Variants in PRR16 observed in about 807,000 individuals in gnomAD.
The protein encoded by PRR16 is proline rich 16, also known as protein Largen.
A neutral mutation model predicts 18.2 loss-of-function variants in PRR16; 6 were observed. That is an observed-to-expected ratio of 0.33 (90% CI 0.18 to 0.65). The LOEUF is 0.65. Ranked by LOEUF, PRR16 falls within the 30% of genes least tolerant of loss-of-function variation. The pLI is 0.74. For synonymous variants in PRR16, 151 were observed against 147.8 expected, an observed-to-expected ratio of 1.02 and a Z score of -0.16; for missense variants, 412 against 376.6, an observed-to-expected ratio of 1.09 and a Z score of -0.78.
chr5:120,588,229 A>G (rs1029269081), intron 1 of PRR16, among the ~76,000 whole-genome samples: 3 of 152,224 alleles, frequency 2.0e-5, no homozygotes, highest in Admixed American at 2.0e-4. Flanking sequence ...CATTGATGAC[A>G]TAACAGATTT....
chr5:120,709,992 C>T, the PRR16 span, among the ~76,000 whole-genome samples: 79 of 152,210 alleles, frequency 5.2e-4, no homozygotes, highest in Non-Finnish European at 1.1e-3. Flanking sequence ...TATATAACCA[C>T]CAGTGAGATT....
intron 1 of PRR16, among the ~76,000 whole-genome samples, chr5:120,593,981 A>G (rs1753722420): frequency 6.6e-6 from 1 of 152,052 alleles, no homozygotes; most frequent in South Asian, 2.1e-4. Flanking sequence ...CTCAAAAATG[A>G]GGCACAGAAG....
the PRR16 span, among the ~76,000 whole-genome samples, chr5:120,736,963 ATTAG>A: frequency 1.6e-3 from 242 of 152,248 alleles, 2 homozygotes; most frequent in African/African-American, 5.5e-3. Context: ...AAAGTCTGTT[ATTAG>A]TTCTAACAAT....
intron 1 of PRR16, among the ~76,000 whole-genome samples, chr5:120,544,262 C>T (rs550824445): frequency 5.9e-5 from 9 of 152,250 alleles, no homozygotes; most frequent in African/African-American, 2.2e-4. Context: ...TCTGACCTTT[C>T]AAAGGATGCT....
At chr5:120,701,461 T>A in the PRR16 span, among the ~76,000 whole-genome samples, 16 of 152,184 alleles carry the variant, frequency 1.1e-4, no homozygotes, top group Non-Finnish European at 1.8e-4. Flanking sequence ...AGCATTAACC[T>A]TGACTATGCA....
rs149347006 is a variant in PRR16, at chr5:120,563,968, T to C, written c.159+99323T>C. 7.5e-3 allele frequency among the ~76,000 whole-genome samples: 1,138 copies of C among 152,266 alleles called. 20 individuals are homozygous for C. The highest frequency in any genetic ancestry group is 0.026 in the African/African-American group (1,086 of 41,552). On this transcript the variant is annotated intron_variant, in intron 1 of 1. Transcript: ENST00000407149. Reference sequence around the variant, plus strand: ...TAAGGGCTCTTTAGTCAGCCAGTGATGAATCCTGCCGGGACTGTCGTCTTC... The same window carrying C: ...TAAGGGCTCTTTAGTCAGCCAGTGACGAATCCTGCCGGGACTGTCGTCTTC...
At chr5:120,759,265 C>T in the PRR16 span, among the ~76,000 whole-genome samples, 1,612 of 152,012 alleles carry the variant, frequency 0.011, 13 homozygotes, top group Middle Eastern at 0.031. Flanking sequence ...CGTGAGCCAC[C>T]ACACCCAGCC....
intron 1 of PRR16, among the ~76,000 whole-genome samples, chr5:120,579,702 G>A (rs11739890): frequency 6.6e-6 from 1 of 152,144 alleles, no homozygotes; most frequent in South Asian, 2.1e-4. Flanking sequence ...TTTTTGCTTA[G>A]GATTGTCTTG....
intron 1 of PRR16, among the ~76,000 whole-genome samples, chr5:120,642,106 C>T (rs1017103829): frequency 1.3e-5 from 2 of 152,026 alleles, no homozygotes; most frequent in Admixed American, 6.6e-5. Context: ...TTCCTTTGCT[C>T]CTTCTTTTAG....
At chr5:120,533,070 G>T (rs568899464) in intron 1 of PRR16, among the ~76,000 whole-genome samples, 1 of 152,114 alleles carries the variant, frequency 6.6e-6, no homozygotes, top group African/African-American at 2.4e-5. Flanking sequence ...TGGGGGCTAC[G>T]GCAACTGCAC....
the PRR16 span, among the ~76,000 whole-genome samples, chr5:120,702,148 G>A: frequency 6.6e-6 from 1 of 151,132 alleles, no homozygotes; most frequent in Non-Finnish European, 1.5e-5. Flanking sequence ...TTACCTTCCA[G>A]AAAAGTGGGA....
chr5:120,770,930 T>A, the PRR16 span, among the ~76,000 whole-genome samples: 2 of 148,436 alleles, frequency 1.3e-5, no homozygotes, highest in Admixed American at 6.8e-5. Flanking sequence ...TGGAACACTC[T>A]CTCTCTCTCT....
At chr5:120,793,237 G>A in the PRR16 span, among the ~76,000 whole-genome samples, 66 of 152,158 alleles carry the variant, frequency 4.3e-4, 1 homozygote, top group South Asian at 2.7e-3. Flanking sequence ...TATAATATAC[G>A]TAGTTCCTTG....
intron 1 of PRR16, among the ~76,000 whole-genome samples, chr5:120,655,950 C>T (rs1042087023): frequency 6.6e-6 from 1 of 151,712 alleles, no homozygotes; most frequent in African/African-American, 2.4e-5. Context: ...TATCACTGTC[C>T]AGGAACCCCA....
At chr5:120,760,300 G>A in the PRR16 span, among the ~76,000 whole-genome samples, 2 of 151,940 alleles carry the variant, frequency 1.3e-5, no homozygotes, top group South Asian at 2.1e-4. Context: ...TATAAATATG[G>A]TGACATATAG....
At chr5:120,548,810 C>T (rs1752156914) in intron 1 of PRR16, among the ~76,000 whole-genome samples, 1 of 152,072 alleles carries the variant, frequency 6.6e-6, no homozygotes, top group African/African-American at 2.4e-5. Context: ...GTGATATACA[C>T]CACTGCGTGA....
intron 1 of PRR16, among the ~76,000 whole-genome samples, chr5:120,655,693 A>G (rs1181431364): frequency 6.6e-6 from 1 of 150,582 alleles, no homozygotes; most frequent in African/African-American, 2.4e-5. Context: ...CACATGACTC[A>G]TGGTAATGTG....
At chr5:120,514,189 A>G (rs1466664171) in intron 1 of PRR16, among the ~76,000 whole-genome samples, 2 of 152,156 alleles carry the variant, frequency 1.3e-5, no homozygotes, top group Non-Finnish European at 2.9e-5. Flanking sequence ...CTAATGATTT[A>G]CTGATTCTCT....
chr5:120,677,561 T>A (rs1367530101), intron 1 of PRR16, among the ~76,000 whole-genome samples: 3 of 152,210 alleles, frequency 2.0e-5, no homozygotes, highest in Non-Finnish European at 4.4e-5. Context: ...TAAATTGTGA[T>A]TGTTTTTCTA....
Sources: gnomAD v4.1 joint callset for allele counts (sites outside exome capture counted in the v4.1 genomes callset) on GRCh38, gnomAD v4.1.1 for gene constraint, MANE v1.5 for transcripts, NCBI Gene and HGNC (gene_info 2026-07-23, HGNC 2026-07-21) for gene names.